ZNF804A: variants seen among roughly 807,000 people sequenced by gnomAD.
The protein encoded by ZNF804A is zinc finger protein 804A.
ZNF804A carries 2 observed loss-of-function variants against 16.5 expected under a neutral mutation model. That is an observed-to-expected ratio of 0.12 (90% confidence interval 0.05 to 0.38). The LOEUF (loss-of-function observed/expected upper bound fraction) is 0.38. ZNF804A is among the 10% of genes least tolerant of loss of function. The probability of loss-of-function intolerance (pLI) is 0.99; values close to 1 mark genes in which losing one functional copy is unlikely to be tolerated. For synonymous variants in ZNF804A, 534 were observed against 489.6 expected (o/e 1.09, Z -1.20); for missense variants, 1,473 against 1,390.7 (o/e 1.06, Z -0.94).
intron 1 of ZNF804A, among the ~76,000 whole-genome samples, chr2:184,753,126 C>T (rs1159068675): frequency 6.6e-6 from 1 of 151,516 alleles, no homozygotes; most frequent in Non-Finnish European, 1.5e-5. Context: ...AGGAGATGAC[C>T]TGATGCTGAC....
At chr2:184,717,705 G>A (rs1693236605) in intron 1 of ZNF804A, among the ~76,000 whole-genome samples, 2 of 152,120 alleles carry the variant, frequency 1.3e-5, no homozygotes. Context: ...CATAATATTT[G>A]TGCATGTTTA....
intron 2 of ZNF804A, among the ~76,000 whole-genome samples, chr2:184,918,506 G>A (rs1463512366): frequency 6.6e-6 from 1 of 152,076 alleles, no homozygotes; most frequent in Non-Finnish European, 1.5e-5. Flanking sequence ...TCATATATTG[G>A]ATGCTAATTC....
At chr2:184,733,952 T>G (rs1277270082) in intron 1 of ZNF804A, among the ~76,000 whole-genome samples, 1 of 152,110 alleles carries the variant, frequency 6.6e-6, no homozygotes, top group Non-Finnish European at 1.5e-5. Flanking sequence ...TGTTGATCTT[T>G]TAAAGAACCA....
Position 184,847,308 on chromosome 2 carries a change from C to A in ZNF804A, c.112-19061C>A, listed in dbSNP as rs143250426. ...TTTTTAAAGACCTTACATCTAAATG[C>A]GTGTTTTTAGTAAAATTCTGTTCAG... On this transcript the variant is annotated intron_variant, in intron 1 of 3. Transcript: ENST00000302277. 4.6e-5 allele frequency among the ~76,000 whole-genome samples: 7 copies of A among 152,048 alleles called. No individual in the cohort carries two copies. The East Asian group carries it at 1.4e-3, about 29-fold the overall frequency.
Position 184,936,415 on chromosome 2 carries a change from T to C in ZNF804A, c.1019T>C (p.Val340Ala). 6.2e-7 allele frequency: 1 copy of C among 1,613,958 alleles called. No homozygotes were observed. The change falls in exon 4 of 4, where the codon GTT becomes GCT. Residue 340 changes from valine (V) to alanine (A), a missense_variant. By Grantham distance (64) the Val-to-Ala change is moderately conservative. Coordinates refer to ENST00000302277, the MANE Select transcript of ZNF804A (RefSeq NM_194250.2). The stretch of plus-strand genomic sequence containing the variant: ...GCAGATCAAATACCACTAGAGAGTG[T>C]TGTTATTAATGAAGACATACCTGTT... ...PLADQIPLES[V>A]VINEDIPVSG...
intron 1 of ZNF804A, among the ~76,000 whole-genome samples, chr2:184,814,194 C>G (rs1694943147): frequency 6.6e-6 from 1 of 151,652 alleles, no homozygotes; most frequent in African/African-American, 2.4e-5. Flanking sequence ...GAGATAGTTT[C>G]ATTATATATC....
intron 2 of ZNF804A, among the ~76,000 whole-genome samples, chr2:184,874,436 A>T (rs1189374099): frequency 6.6e-6 from 1 of 152,156 alleles, no homozygotes; most frequent in East Asian, 1.9e-4. Context: ...ATATTATGAT[A>T]TCAAATTTTC....
chr2:184,873,531 A>G (rs1175504258), intron 2 of ZNF804A, among the ~76,000 whole-genome samples: 2 of 152,204 alleles, frequency 1.3e-5, no homozygotes, highest in Non-Finnish European at 2.9e-5. Context: ...AAGTTTTGTA[A>G]GTTTAACTGC....
chr2:184,726,547 T>C (rs1693413427), intron 1 of ZNF804A, among the ~76,000 whole-genome samples: 1 of 151,586 alleles, frequency 6.6e-6, no homozygotes, highest in Non-Finnish European at 1.5e-5. Context: ...AACCAGAATT[T>C]TGGACGAGAG....
intron 1 of ZNF804A, among the ~76,000 whole-genome samples, chr2:184,613,695 G>C (rs1691275063): frequency 6.6e-6 from 1 of 152,080 alleles, no homozygotes. Flanking sequence ...GTGCTACAAA[G>C]AGAATAAAAT....
chr2:184,703,880 G>A (rs917734652), intron 1 of ZNF804A, among the ~76,000 whole-genome samples: 4 of 151,896 alleles, frequency 2.6e-5, no homozygotes, highest in African/African-American at 9.7e-5. Flanking sequence ...TTGTTTTGAA[G>A]ATAAATCTGT....
At chr2:184,876,167 C>G (rs746672699) in intron 2 of ZNF804A, among the ~76,000 whole-genome samples, 3 of 152,116 alleles carry the variant, frequency 2.0e-5, no homozygotes, top group Non-Finnish European at 2.9e-5. Flanking sequence ...GCCAGGACTT[C>G]TATTGCTATA....
chr2:184,709,646 A>G (rs1184407100), intron 1 of ZNF804A, among the ~76,000 whole-genome samples: 1 of 151,714 alleles, frequency 6.6e-6, no homozygotes, highest in Non-Finnish European at 1.5e-5. Context: ...ATCTAAAAAG[A>G]ATTATTTTAG....
At chr2:184,929,966 T>A (rs992433867) in intron 2 of ZNF804A, among the ~76,000 whole-genome samples, 4 of 152,196 alleles carry the variant, frequency 2.6e-5, no homozygotes, top group African/African-American at 9.6e-5. Flanking sequence ...TGATTGCTGT[T>A]ATCTCTTAAT....
intron 1 of ZNF804A, among the ~76,000 whole-genome samples, chr2:184,742,146 T>G (rs1238768901): frequency 1.3e-5 from 2 of 152,168 alleles, no homozygotes; most frequent in African/African-American, 4.8e-5. Flanking sequence ...AAAAGTAACC[T>G]TTCTTTTTAA....
At chr2:184,858,735 A>G (rs1434595282) in intron 1 of ZNF804A, among the ~76,000 whole-genome samples, 2 of 152,226 alleles carry the variant, frequency 1.3e-5, no homozygotes, top group East Asian at 3.9e-4. Context: ...GATTATTCTT[A>G]ATTTGTACCT....
intron 2 of ZNF804A, among the ~76,000 whole-genome samples, chr2:184,869,703 G>A (rs1018141285): frequency 6.6e-6 from 1 of 151,930 alleles, no homozygotes; most frequent in Non-Finnish European, 1.5e-5. Context: ...TCCCAATGAG[G>A]ATCTGTTTTC....
rs182639087 is a variant in ZNF804A, at chr2:184,793,938, A to G, written c.112-72431A>G. Among the ~76,000 whole-genome samples, 28 of 152,242 alleles carry G rather than the reference A, an allele frequency of 1.8e-4. 1 individual carries two copies. The East Asian group carries it at 4.2e-3, about 23-fold the overall frequency. On this transcript the variant is annotated intron_variant, in intron 1 of 3. Transcript: ENST00000302277. ...ATGGCTGAGTAGTATTCCATCATAT[A>G]CATACACCACAGTTTCCTTATCCAC...
chr2:184,770,624 A>T (rs1285470516), intron 1 of ZNF804A, among the ~76,000 whole-genome samples: 1 of 146,848 alleles, frequency 6.8e-6, no homozygotes, highest in Non-Finnish European at 1.5e-5. Flanking sequence ...CTCAAAAAGA[A>T]AATGTTGGTC....
Sources: allele counts gnomAD v4.1 joint callset (sites outside exome capture counted in the v4.1 genomes callset), GRCh38; gene constraint gnomAD v4.1.1; transcripts MANE v1.5; gene names NCBI Gene and HGNC (gene_info 2026-07-23, HGNC 2026-07-21).